BCOR: variants seen among roughly 807,000 people sequenced by gnomAD.
The protein encoded by BCOR is BCL-6 corepressor.
BCOR carries 10 observed loss-of-function variants against 86.7 expected under a neutral mutation model. The observed-to-expected ratio is 0.12, with a 90% CI of 0.07 to 0.20. The LOEUF (loss-of-function observed/expected upper bound fraction) is 0.20, where lower values mean the gene tolerates loss of function less well. BCOR is among the 10% of genes least tolerant of loss of function. The pLI is 1.00. For synonymous variants in BCOR, 611 were observed against 609.0 expected (o/e 1.00, Z -0.05); for missense variants, 1,259 against 1,452.1 (o/e 0.87, Z 2.16).
rs1307868308 is a variant in BCOR, at chrX:40,062,875, C to G, written c.4044G>C (p.Gln1348His). Residue 1348 changes from glutamine (Q) to histidine (H), a missense_variant, in exon 9 of 15, where the codon CAG becomes CAC. Transcript: ENST00000378444. ...EEDCQAASLL[Q>H]KYTDNSEKPS... is the part of the protein sequence containing the mutation. ...GCTTCTCGCTGTTGTCGGTGTATTT[C>G]TGCAGCAGGGAGGCAGCCTGGCAAT... 8.3e-7 allele frequency: 1 copy of G among 1,211,650 alleles called. No individual in the cohort carries two copies. Among genetic ancestry groups the G allele is most frequent in the Non-Finnish European group, 1.1e-6 (1 of 895,347 alleles).
rs1935533648 is a variant in BCOR at position 40,072,668 on chromosome X, CCTAGGTTCT to C, written c.2669_2677del (p.Glu890_Leu892del). 1 of 1,211,971 alleles carries C rather than the reference CCTAGGTTCT, an allele frequency of 8.3e-7. No individual in the cohort carries two copies. The highest frequency in any genetic ancestry group is 3.0e-5 in the East Asian group (1 of 33,848). On this transcript the variant is annotated inframe_deletion, in exon 4 of 15. Transcript: ENST00000378444. ...CAGGAATGGAGTCGAGACTGGCAACCCTAGGTTCTCTTTGTTGGTACCTGCCAGAACACT... is the reference window on the plus strand; with the variant it reads ...CAGGAATGGAGTCGAGACTGGCAACCCTTTGTTGGTACCTGCCAGAACACT...
rs926671988 is a variant in BCOR, at chrX:40,073,572, G to A, written c.1774C>T (p.Pro592Ser). ...KTSRSSVETT[P>S]SVIQHVGQPP... ...TGGCCCACGTGCTGAATAACGGATG[G>A]TGTGGTTTCTACAGAGCTCCTGCTG... Residue 592 changes from proline (P) to serine (S), a missense_variant, in exon 4 of 15, where the codon CCA (proline) becomes TCA (serine). Pro to Ser is a moderately conservative substitution (Grantham distance 74). Transcript: ENST00000378444. 16 of 1,211,197 alleles carry A rather than the reference G, an allele frequency of 1.3e-5. No individual in the cohort carries two copies. The highest frequency in any genetic ancestry group is 1.5e-5 in the Non-Finnish European group (13 of 895,526).
In BCOR at chrX:40,062,915, G is replaced by A. The variant is rs767103127; in HGVS notation, c.4004C>T (p.Ala1335Val). The part of the protein sequence containing the change: ...KENQKTDVLC[A>V]DEEEDCQAAS... ...AGCCTGGCAATCCTCTTCTTCGTCT[G>A]CACACAGCACATCTGTCTTCTGGTT... is the stretch of plus-strand genomic sequence containing the variant. The change falls in exon 9 of 15, where the codon GCA (alanine) becomes GTA (valine). Residue 1335 changes from alanine (A) to valine (V), a missense_variant. Transcript: ENST00000378444. 9.1e-6 allele frequency: 11 copies of A among 1,208,058 alleles called. No individual in the cohort carries two copies. The Middle Eastern group carries it at 6.9e-4, about 75-fold the overall frequency.
chrX:40,094,740 C>A (rs1012198709), intron 1 of BCOR, among the ~76,000 whole-genome samples: 1 of 112,586 alleles, frequency 8.9e-6, no homozygotes, highest in Non-Finnish European at 1.9e-5. Flanking sequence ...CGCAACGCGC[C>A]GCCCCGCGAA....
intron 1 of BCOR, among the ~76,000 whole-genome samples, chrX:40,094,864 C>A (rs763110729): frequency 8.8e-6 from 1 of 113,273 alleles, no homozygotes; most frequent in Non-Finnish European, 1.9e-5. Context: ...GAGGCCAGGA[C>A]GGCCCTGCAA....
chrX:40,160,515 CAA>C (rs774697720), intron 1 of BCOR, among the ~76,000 whole-genome samples: 12 of 60,398 alleles, frequency 2.0e-4, no homozygotes, highest in Non-Finnish European at 2.3e-4. Flanking sequence ...GACCCTGTCT[CAA>C]AAAAAAAAAA....
intron 10 of BCOR, among the ~76,000 whole-genome samples, chrX:40,060,804 C>T (rs944673122): frequency 3.5e-5 from 4 of 112,729 alleles, no homozygotes; most frequent in African/African-American, 1.3e-4. Context: ...CCAGAGATAT[C>T]GATAAGAAAC....
At chrX:40,083,902 G>A (rs961507183) in intron 1 of BCOR, among the ~76,000 whole-genome samples, 1 of 111,904 alleles carries the variant, frequency 8.9e-6, no homozygotes, top group Non-Finnish European at 1.9e-5. Flanking sequence ...CCCTTCCCGA[G>A]GCCCCGCCGC....
chrX:40,051,996 A>T lies in BCOR; in HGVS notation c.*113T>A. 1.4e-6 allele frequency: 1 copy of T among 691,960 alleles called. No individual in the cohort carries two copies. The highest frequency in any genetic ancestry group is 4.8e-5 in the South Asian group (1 of 20,633). 57.0% of individuals were successfully genotyped at this position (691,960 alleles called of 1,213,427 possible). A position where few individuals can be genotyped will look rare whatever the true frequency, so the allele number is the denominator to read the frequency against. On this transcript the variant is annotated 3_prime_UTR_variant, in exon 15 of 15. Transcript: ENST00000378444. ...CTGGAGTAATTTCTCTTATATAAAG[A>T]AGAGATATTTTCATATGTAATAGTG... is the stretch of plus-strand genomic sequence containing the variant.
At chrX:40,174,723 G>A (rs949797420) in intron 1 of BCOR, among the ~76,000 whole-genome samples, 14 of 112,433 alleles carry the variant, frequency 1.2e-4, no homozygotes, top group African/African-American at 4.5e-4. Flanking sequence ...ACGCAAAGGG[G>A]ACCCTGTCTT....
chrX:40,140,162 T>A (rs1197271671), intron 1 of BCOR, among the ~76,000 whole-genome samples: 1 of 108,671 alleles, frequency 9.2e-6, no homozygotes, highest in African/African-American at 3.4e-5. Context: ...GCTTAAAAAA[T>A]ATATATATAC....
intron 1 of BCOR, among the ~76,000 whole-genome samples, chrX:40,132,860 G>T (rs1937616289): frequency 8.9e-6 from 1 of 112,412 alleles, no homozygotes; most frequent in South Asian, 3.6e-4. Context: ...GTGCGTCAGA[G>T]TCAGCAGTGG....
intron 1 of BCOR, among the ~76,000 whole-genome samples, chrX:40,114,849 CTTT>C (rs763376608): frequency 2.3e-5 from 2 of 85,108 alleles, no homozygotes; most frequent in Non-Finnish European, 2.2e-5. Flanking sequence ...TTACCATTCA[CTTT>C]TTTTTTTTTT....
chrX:40,099,129 G>A (rs1412666490), upstream of BCOR, among the ~76,000 whole-genome samples: 1 of 112,928 alleles, frequency 8.9e-6, no homozygotes, highest in African/African-American at 3.2e-5. Flanking sequence ...CTTGGCGGCG[G>A]CGTACAGCCT....
chrX:40,147,317 C>CA (rs1225570397), intron 1 of BCOR, among the ~76,000 whole-genome samples: 1 of 112,558 alleles, frequency 8.9e-6, no homozygotes, highest in Non-Finnish European at 1.9e-5. Flanking sequence ...CAAAACAAAA[C>CA]AAAAAAACCC....
chrX:40,109,855 CAGA>C (rs1270940477), intron 1 of BCOR, among the ~76,000 whole-genome samples: 1 of 111,512 alleles, frequency 9.0e-6, no homozygotes, highest in African/African-American at 3.3e-5. Context: ...TGCGGCGTCG[CAGA>C]AGGAGGGGGA....
intron 1 of BCOR, among the ~76,000 whole-genome samples, chrX:40,142,876 T>C (rs1937953378): frequency 8.9e-6 from 1 of 111,939 alleles, no homozygotes; most frequent in Non-Finnish European, 1.9e-5. Flanking sequence ...TCACTTTCTC[T>C]TCCTAGGTAA....
In BCOR at chrX:40,079,888, AAAGG is replaced by A. The variant is rs1239361164; in HGVS notation, c.-40-1923_-40-1920del. On this transcript the variant is annotated intron_variant, in intron 1 of 14. Coordinates refer to ENST00000378444, the MANE Select transcript of BCOR (RefSeq NM_001123385.2). ...CCGGCCCCTGCTGCCCTTTCTAACAAAAGGAAGACATTCTGGGTAGGATAATAGA... is the reference window on the plus strand; with the variant it reads ...CCGGCCCCTGCTGCCCTTTCTAACAAAAGACATTCTGGGTAGGATAATAGA... Among the ~76,000 whole-genome samples the A allele has an allele frequency of 2.6e-3, 281 of 109,544 alleles. 1 individual carries two copies. The highest frequency in any genetic ancestry group is 9.3e-3 in the African/African-American group (271 of 29,204).
At chrX:40,163,509 G>A (rs936153410) in intron 1 of BCOR, among the ~76,000 whole-genome samples, 1 of 110,484 alleles carries the variant, frequency 9.1e-6, no homozygotes, top group Admixed American at 9.7e-5. Flanking sequence ...ATGTAGACTA[G>A]TCTGTTTAGA....
Sources: allele counts gnomAD v4.1 joint callset (sites outside exome capture counted in the v4.1 genomes callset), GRCh38; gene constraint gnomAD v4.1.1; transcripts MANE v1.5; gene names NCBI Gene and HGNC (gene_info 2026-07-23, HGNC 2026-07-21).